Variants in HUNK observed in about 807,000 individuals in gnomAD.
HUNK encodes the protein hormonally up-regulated neu tumor-associated kinase.
Under a neutral mutation model 61.0 loss-of-function variants are expected in HUNK, and 21 were observed. The observed-to-expected ratio is 0.34, with a 90% CI of 0.24 to 0.50. HUNK has a LOEUF of 0.50. Ranked by LOEUF, HUNK falls within the 20% of genes least tolerant of loss-of-function variation. The pLI, the probability that HUNK is intolerant of heterozygous loss-of-function variation, is 0.98. For missense variants in HUNK, 772 were observed against 945.7 expected, an observed-to-expected ratio of 0.82 and a Z score of 2.41; for synonymous variants, 371 against 386.1, an observed-to-expected ratio of 0.96 and a Z score of 0.46.
chr21:31,930,115 A>G (rs892861355), intron 2 of HUNK, among the ~76,000 whole-genome samples: 3 of 152,204 alleles, frequency 2.0e-5, no homozygotes, highest in Admixed American at 6.5e-5. Context: ...ATTGGGATGT[A>G]CAGTGGTCCG....
chr21:31,907,819 G>A (rs932320556), intron 1 of HUNK, among the ~76,000 whole-genome samples: 1 of 151,958 alleles, frequency 6.6e-6, no homozygotes, highest in African/African-American at 2.4e-5. Flanking sequence ...GAGAAACCTT[G>A]TCTCTACTAA....
chr21:31,882,814 C>T (rs2052318432), intron 1 of HUNK, among the ~76,000 whole-genome samples: 1 of 152,168 alleles, frequency 6.6e-6, no homozygotes, highest in Admixed American at 6.6e-5. Flanking sequence ...CCCTCCCACC[C>T]ACCAGGGCAG....
At position 32,000,792 on chromosome 21, in the gene HUNK, C is replaced by T; in HGVS notation, c.*1608C>T. 2.5e-6 allele frequency: 1 copy of T among 398,588 alleles called. No homozygotes were observed. Among genetic ancestry groups the T allele is most frequent in the South Asian group, 1.3e-4 (1 of 7,796 alleles). The allele number at this position is 398,588 out of a possible 1,614,324, so 24.7% of individuals were successfully genotyped here. A position where few individuals can be genotyped will look rare whatever the true frequency, so the allele number is the denominator to read the frequency against. On this transcript the variant is annotated 3_prime_UTR_variant, in exon 11 of 11. Transcript: ENST00000270112. ...CACCAGTGGTGACATCCTTCAGTCC[C>T]TCACATCTCTGACAGAGCGGGACAG...
intron 1 of HUNK, among the ~76,000 whole-genome samples, chr21:31,911,803 A>G (rs894352725): frequency 4.0e-5 from 6 of 151,818 alleles, no homozygotes; most frequent in Admixed American, 1.3e-4. Flanking sequence ...CGCCTGCTGT[A>G]ATGCTGCGCC....
At chr21:31,935,240 C>T (rs762092801) in intron 2 of HUNK, among the ~76,000 whole-genome samples, 6 of 152,278 alleles carry the variant, frequency 3.9e-5, no homozygotes, top group Non-Finnish European at 7.4e-5. Context: ...GCTGCTTTTA[C>T]AAAAATCTAT....
At chr21:31,887,899 G>A (rs1027200193) in intron 1 of HUNK, among the ~76,000 whole-genome samples, 1 of 152,260 alleles carries the variant, frequency 6.6e-6, no homozygotes. Flanking sequence ...GTAAAAACCT[G>A]CAGGAAAGAA....
rs2053239677 is a variant in HUNK, at chr21:32,000,611, A to G, written c.*1427A>G. ...GGAGTCTTCAACTTTTGACCGGTGC[A>G]GGTGTGACCAGAGACCACCTCTGTG... is the stretch of plus-strand genomic sequence containing the variant. On this transcript the variant is annotated 3_prime_UTR_variant, in exon 11 of 11. Transcript: ENST00000270112. 2.5e-6 allele frequency: 1 copy of G among 399,146 alleles called. No homozygotes were observed. Among genetic ancestry groups the G allele is most frequent in the Non-Finnish European group, 4.4e-6 (1 of 226,116 alleles). 24.7% of individuals were successfully genotyped at this position (399,146 alleles called of 1,614,324 possible). A position where few individuals can be genotyped will look rare whatever the true frequency, so the allele number is the denominator to read the frequency against.
At chr21:31,936,989 A>C (rs12483207) in intron 2 of HUNK, among the ~76,000 whole-genome samples, 20,224 of 152,186 alleles carry the variant, frequency 0.13, 1,412 homozygotes, top group East Asian at 0.22. Flanking sequence ...CGTTTGAAAC[A>C]AACTGTGGCC....
intron 3 of HUNK, among the ~76,000 whole-genome samples, chr21:31,941,913 T>A (rs2052771335): frequency 6.6e-6 from 1 of 152,166 alleles, no homozygotes; most frequent in Non-Finnish European, 1.5e-5. Context: ...AGTATTTATA[T>A]GACAATAAAA....
chr21:31,928,485 C>T (rs1006102569), intron 2 of HUNK, among the ~76,000 whole-genome samples: 1 of 152,148 alleles, frequency 6.6e-6, no homozygotes, highest in Non-Finnish European at 1.5e-5. Flanking sequence ...TTTCTCTGAT[C>T]TCCAGCTTTT....
At chr21:31,956,221 A>G (rs2052888588) in intron 4 of HUNK, among the ~76,000 whole-genome samples, 1 of 152,184 alleles carries the variant, frequency 6.6e-6, no homozygotes, top group Non-Finnish European at 1.5e-5. Context: ...CAACCAATGA[A>G]TAGAAGATGT....
At chr21:31,908,620 G>C (rs2052524498) in intron 1 of HUNK, among the ~76,000 whole-genome samples, 1 of 152,174 alleles carries the variant, frequency 6.6e-6, no homozygotes, top group African/African-American at 2.4e-5. Flanking sequence ...CACCACGTCG[G>C]GGTGTCCAGC....
At chr21:31,936,432 A>G (rs1458760567) in intron 2 of HUNK, among the ~76,000 whole-genome samples, 1 of 152,236 alleles carries the variant, frequency 6.6e-6, no homozygotes, top group Non-Finnish European at 1.5e-5. Flanking sequence ...GGGTAAGTAC[A>G]CTGATCTTTT....
At chr21:31,887,735 G>C (rs2052357044) in intron 1 of HUNK, among the ~76,000 whole-genome samples, 1 of 152,238 alleles carries the variant, frequency 6.6e-6, no homozygotes, top group South Asian at 2.1e-4. Flanking sequence ...GGTGCTAAGA[G>C]ATAAAGGAAC....
At chr21:31,960,345 A>G (rs1164991158) in intron 5 of HUNK, among the ~76,000 whole-genome samples, 1 of 152,122 alleles carries the variant, frequency 6.6e-6, no homozygotes, top group Non-Finnish European at 1.5e-5. Flanking sequence ...TAAAGAAAGT[A>G]AAATAAATTG....
intron 2 of HUNK, among the ~76,000 whole-genome samples, chr21:31,926,550 T>C (rs536242645): frequency 6.6e-6 from 1 of 152,340 alleles, no homozygotes; most frequent in South Asian, 2.1e-4. Context: ...TTTCCGTGTC[T>C]ATGGATTTGC....
intron 1 of HUNK, among the ~76,000 whole-genome samples, chr21:31,921,567 G>A (rs2123814437): frequency 6.6e-6 from 1 of 152,198 alleles, no homozygotes; most frequent in Admixed American, 6.5e-5. Context: ...TGGGGCTGAT[G>A]GAGAAGATGC....
Position 31,873,559 on chromosome 21 carries a change from A to T in HUNK, c.-116A>T. ...CCCCGGGCTCTGGGTGCGGAGACCC[A>T]GGCGGGGCTGGGCCCAGGGCGGCGG... is the stretch of plus-strand genomic sequence containing the variant. On this transcript the variant is annotated 5_prime_UTR_variant, in exon 1 of 11. Transcript: ENST00000270112. This position sits in a 1 kb window ranked among gnomAD's most constrained non-coding sequence, Gnocchi z 6.1. 2.4e-6 allele frequency: 2 copies of T among 828,474 alleles called. No individual in the cohort carries two copies. Among genetic ancestry groups the T allele is most frequent in the Non-Finnish European group, 2.9e-6 (2 of 686,888 alleles). 51.3% of individuals were successfully genotyped at this position (828,474 alleles called of 1,614,324 possible).
chr21:31,920,641 T>G (rs1408601602), intron 1 of HUNK, among the ~76,000 whole-genome samples: 2 of 152,208 alleles, frequency 1.3e-5, no homozygotes, highest in Non-Finnish European at 2.9e-5. Flanking sequence ...GCTGTTAGTT[T>G]AGCATCCCTT....
Sources: gnomAD v4.1 joint callset for allele counts (sites outside exome capture counted in the v4.1 genomes callset) on GRCh38, gnomAD v4.1.1 for gene constraint, Gnocchi (gnomAD v3.1) non-coding constraint, MANE v1.5 for transcripts, NCBI Gene and HGNC (gene_info 2026-07-23, HGNC 2026-07-21) for gene names.